AOPEP: variants seen among roughly 807,000 people sequenced by gnomAD.
AOPEP encodes the protein aminopeptidase O.
In AOPEP, 77 loss-of-function variants were observed where a neutral mutation model predicts 98.1. The ratio of observed to expected loss-of-function variants is 0.78; its 90% CI spans 0.65 to 0.95. The LOEUF (loss-of-function observed/expected upper bound fraction) is 0.95, where lower values mean the gene tolerates loss of function less well. Among genes scored for constraint, AOPEP ranks in the 40% least tolerant of loss-of-function variants. AOPEP has a pLI of 0.00. For synonymous variants in AOPEP, 346 were observed against 365.3 expected, an observed-to-expected ratio of 0.95 and a Z score of 0.60; for missense variants, 1,024 against 1,024.7, an observed-to-expected ratio of 1.00 and a Z score of 0.01.
At chr9:94,939,034 G>A (rs1423847538) in intron 7 of AOPEP, among the ~76,000 whole-genome samples, 1 of 152,154 alleles carries the variant, frequency 6.6e-6, no homozygotes, top group South Asian at 2.1e-4. Flanking sequence ...CAGATCACAA[G>A]GTCAGGAGTT....
In AOPEP at chr9:94,954,097, C is replaced by T. The variant is rs562768932; in HGVS notation, c.1662-1080C>T. 2.0e-5 allele frequency among the ~76,000 whole-genome samples: 3 copies of T among 152,142 alleles called. No homozygotes were observed. In the East Asian group the frequency reaches 5.8e-4, roughly 29 times the overall value. ...CAACGCTTTGGGAGGCTGAGGTGGA[C>T]GGATGGCTTGAGCTCAGGAGTTCGA... On this transcript the variant is annotated intron_variant, in intron 7 of 16. Transcript: ENST00000375315.
intron 5 of AOPEP, among the ~76,000 whole-genome samples, chr9:94,872,523 A>C (rs920895093): frequency 1.3e-5 from 2 of 152,208 alleles, no homozygotes; most frequent in Non-Finnish European, 2.9e-5. Flanking sequence ...TCTTTAAGGC[A>C]AAAGTTCTAT....
intron 5 of AOPEP, among the ~76,000 whole-genome samples, chr9:94,806,105 G>C (rs1303926886): frequency 6.6e-6 from 1 of 152,128 alleles, no homozygotes; most frequent in East Asian, 1.9e-4. Flanking sequence ...GTGACCCCCT[G>C]ATTTCAAGGC....
At chr9:94,964,717 G>A (rs2059080635) in intron 9 of AOPEP, among the ~76,000 whole-genome samples, 1 of 143,358 alleles carries the variant, frequency 7.0e-6, no homozygotes, top group African/African-American at 2.6e-5. Context: ...TCGGCTCACT[G>A]CAACCTCCGC....
chr9:94,968,189 T>C (rs575836114), intron 10 of AOPEP, among the ~76,000 whole-genome samples: 74 of 152,310 alleles, frequency 4.9e-4, no homozygotes, highest in African/African-American at 1.7e-3. Flanking sequence ...TGTAGTATAG[T>C]AGTAAGAGCT....
chr9:94,729,997 T>C (rs66710673), intron 1 of AOPEP, among the ~76,000 whole-genome samples: 7,888 of 152,056 alleles, frequency 0.052, 229 homozygotes, highest in Admixed American at 0.077. Flanking sequence ...ATAATGAAAA[T>C]GTCTGGGCCG....
chr9:95,032,049 A>G (rs1228192129), intron 13 of AOPEP, among the ~76,000 whole-genome samples: 3 of 152,192 alleles, frequency 2.0e-5, no homozygotes, highest in African/African-American at 7.2e-5. Flanking sequence ...TAACCATAAC[A>G]TGGAAAGGGG....
chr9:95,051,917 A>G (rs956038604), intron 13 of AOPEP, among the ~76,000 whole-genome samples: 2 of 152,166 alleles, frequency 1.3e-5, no homozygotes, highest in African/African-American at 2.4e-5. Context: ...GTTAGCCAGG[A>G]TGGTCTTGAT....
At chr9:94,775,726 G>A (rs112460524) in intron 3 of AOPEP, among the ~76,000 whole-genome samples, 9,960 of 152,128 alleles carry the variant, frequency 0.065, 1,077 homozygotes, top group African/African-American at 0.23. Flanking sequence ...TGTAATCCCA[G>A]CACTTTTGGA....
intron 13 of AOPEP, among the ~76,000 whole-genome samples, chr9:95,053,113 G>A (rs1487520078): frequency 6.6e-6 from 1 of 152,020 alleles, no homozygotes; most frequent in East Asian, 1.9e-4. Context: ...GTGTTCTTAG[G>A]TTTGGTTGTG....
intron 1 of AOPEP, among the ~76,000 whole-genome samples, chr9:94,738,643 C>T (rs1461978919): frequency 1.3e-5 from 2 of 152,294 alleles, no homozygotes; most frequent in East Asian, 1.9e-4. Flanking sequence ...GCGCAATCTC[C>T]GCTCACTGCA....
chr9:94,730,232 C>T (rs926320920), intron 1 of AOPEP, among the ~76,000 whole-genome samples: 6 of 149,004 alleles, frequency 4.0e-5, no homozygotes, highest in African/African-American at 9.9e-5. Context: ...TGTAGTGAGC[C>T]GAGTTTGCGC....
In AOPEP at chr9:94,760,453, A is replaced by G. The variant is rs141234450; in HGVS notation, c.670A>G (p.Thr224Ala). 5.3e-5 allele frequency: 86 copies of G among 1,613,792 alleles called. No individual in the cohort carries two copies. The African/African-American group carries it at 1.1e-3, about 21-fold the overall frequency. Reference sequence around the variant, plus strand: ...TGGGGAACTCCTCTTTGACACTGACACTTGGAGCTTGCAGATAAGGAAGAC... The same window carrying G: ...TGGGGAACTCCTCTTTGACACTGACGCTTGGAGCTTGCAGATAAGGAAGAC... ...GCGELLFDTD[T>A]WSLQIRKTGA... The change falls in exon 2 of 17, where the codon ACT becomes GCT. Residue 224 changes from threonine to alanine, a missense_variant. Physicochemically the swap from Thr to Ala is moderately conservative, Grantham distance 58. Around this residue, in one of 3 missense-constraint regions of AOPEP, gnomAD observed 440 missense variants for 433.8 expected, o/e 1.01. Coordinates refer to ENST00000375315, the MANE Select transcript of AOPEP (RefSeq NM_001193329.3).
intron 13 of AOPEP, among the ~76,000 whole-genome samples, chr9:95,023,877 G>A (rs967780371): frequency 5.9e-5 from 9 of 152,186 alleles, no homozygotes; most frequent in Non-Finnish European, 7.3e-5. Context: ...ATTTAAAAAG[G>A]CTTCTCAGAA....
At chr9:94,845,915 C>T (rs534904875) in intron 5 of AOPEP, among the ~76,000 whole-genome samples, 10 of 151,890 alleles carry the variant, frequency 6.6e-5, no homozygotes, top group South Asian at 2.1e-4. Flanking sequence ...GCCAACATTG[C>T]AAAACTCCAT....
intron 2 of AOPEP, among the ~76,000 whole-genome samples, chr9:94,769,095 T>C (rs1415949932): frequency 6.6e-6 from 1 of 152,226 alleles, no homozygotes; most frequent in African/African-American, 2.4e-5. Context: ...GTGTGCATGA[T>C]GGGGGCCATC....
At chr9:94,940,404 G>A (rs1055512602) in intron 7 of AOPEP, among the ~76,000 whole-genome samples, 2 of 152,046 alleles carry the variant, frequency 1.3e-5, no homozygotes, top group Non-Finnish European at 2.9e-5. Context: ...TCAGGAGTTC[G>A]AGATCAGCCT....
chr9:94,985,880 G>A (rs553780638), intron 11 of AOPEP, among the ~76,000 whole-genome samples: 14 of 152,312 alleles, frequency 9.2e-5, no homozygotes, highest in African/African-American at 2.4e-4. Flanking sequence ...AGTCACTTCC[G>A]TTCATCCAAG....
chr9:95,030,269 A>G (rs768928623), intron 13 of AOPEP, among the ~76,000 whole-genome samples: 1 of 152,150 alleles, frequency 6.6e-6, no homozygotes, highest in Non-Finnish European at 1.5e-5. Flanking sequence ...GAAGAATGGG[A>G]GCGTGTTATA....
Sources: allele counts gnomAD v4.1 joint callset (sites outside exome capture counted in the v4.1 genomes callset), GRCh38; gene constraint gnomAD v4.1.1; regional missense constraint gnomAD v4.1.1; transcripts MANE v1.5; gene names NCBI Gene and HGNC (gene_info 2026-07-23, HGNC 2026-07-21).